The following SLC26A7 variants were observed in gnomAD, a reference collection of about 807,000 sequenced individuals.
SLC26A7 encodes the protein solute carrier family 26 member 7, also known as anion exchange transporter.
SLC26A7 carries 59 observed loss-of-function variants against 82.5 expected under a neutral mutation model. The ratio of observed to expected loss-of-function variants is 0.72; its 90% CI spans 0.58 to 0.89. The LOEUF is 0.89. Ranked by LOEUF, SLC26A7 falls within the 40% of genes least tolerant of loss-of-function variation. The pLI, the probability that SLC26A7 is intolerant of heterozygous loss-of-function variation, is 0.00. For missense variants in SLC26A7, 820 were observed against 793.0 expected (o/e 1.03, Z -0.41); for synonymous variants, 271 against 274.3 (o/e 0.99, Z 0.12).
chr8:91,331,723 ATACATTT>A (rs1307627160), intron 5 of SLC26A7, among the ~76,000 whole-genome samples: 3 of 152,138 alleles, frequency 2.0e-5, no homozygotes, highest in African/African-American at 7.2e-5. Context: ...AAGGTTTTCC[ATACATTT>A]TATCAGATCA....
At chr8:91,348,803 A>G (rs938610004) in intron 9 of SLC26A7, among the ~76,000 whole-genome samples, 2 of 152,172 alleles carry the variant, frequency 1.3e-5, no homozygotes, top group African/African-American at 2.4e-5. Context: ...TAGGTCAGAG[A>G]AAGGCAAGAA....
intron 5 of SLC26A7, among the ~76,000 whole-genome samples, chr8:91,326,691 T>G (rs1812940237): frequency 1.3e-5 from 2 of 152,192 alleles, no homozygotes; most frequent in African/African-American, 4.8e-5. Context: ...TTAGATTTGG[T>G]GCTGGCGTCT....
intron 2 of SLC26A7, among the ~76,000 whole-genome samples, chr8:91,258,261 C>G (rs1317418954): frequency 6.6e-6 from 1 of 152,086 alleles, no homozygotes; most frequent in Non-Finnish European, 1.5e-5. Flanking sequence ...CTCTTCCTTC[C>G]TAGCTCTAGA....
chr8:91,318,457 A>T, intron 5 of SLC26A7, 77 bp downstream of exon 5: 1 of 1,333,614 alleles, frequency 7.5e-7, no homozygotes, highest in South Asian at 1.7e-5. Flanking sequence ...TAATTATAGT[A>T]CTGAGATTTT....
chr8:91,297,076 G>A (rs368772945), intron 4 of SLC26A7, among the ~76,000 whole-genome samples: 5 of 152,120 alleles, frequency 3.3e-5, no homozygotes, highest in African/African-American at 1.2e-4. Context: ...AGATAATATT[G>A]TGTCTGTTTT....
At chr8:91,377,910 A>G (rs900674322) in intron 15 of SLC26A7, among the ~76,000 whole-genome samples, 1 of 152,122 alleles carries the variant, frequency 6.6e-6, no homozygotes, top group African/African-American at 2.4e-5. Flanking sequence ...ATGCCCATTC[A>G]CCAAAAACTT....
At chr8:91,350,664 A>AT (rs1263728790) in intron 9 of SLC26A7, among the ~76,000 whole-genome samples, 6 of 151,940 alleles carry the variant, frequency 3.9e-5, no homozygotes, top group African/African-American at 7.3e-5. Context: ...AATTTCATCC[A>AT]TTTTTTTAAA....
rs113189211 is a variant in SLC26A7, at chr8:91,284,882, C to T, written c.194-4254C>T. Reference sequence around the variant, plus strand: ...ATTTATTAAGCACAAGTGATTTGATCCTGTGCAGAAAGTGAGGTTGAACTC... The same window carrying T: ...ATTTATTAAGCACAAGTGATTTGATTCTGTGCAGAAAGTGAGGTTGAACTC... On this transcript the variant is annotated intron_variant, in intron 2 of 18. Coordinates refer to ENST00000276609, the MANE Select transcript of SLC26A7 (RefSeq NM_052832.4). Among the ~76,000 whole-genome samples, 213 of 152,284 alleles carry T rather than the reference C, an allele frequency of 1.4e-3. 2 individuals carry two copies. Among genetic ancestry groups the T allele is most frequent in the African/African-American group, 5.1e-3 (210 of 41,562 alleles).
At chr8:91,350,553 A>G (rs1480935803) in intron 9 of SLC26A7, among the ~76,000 whole-genome samples, 3 of 152,002 alleles carry the variant, frequency 2.0e-5, no homozygotes, top group Non-Finnish European at 2.9e-5. Context: ...TCCAGCCTCT[A>G]GCATCCTATA....
At chr8:91,346,370 G>A (rs1407516472) in intron 9 of SLC26A7, among the ~76,000 whole-genome samples, 1 of 152,098 alleles carries the variant, frequency 6.6e-6, no homozygotes, top group African/African-American at 2.4e-5. Context: ...CACTATGTAA[G>A]CCAAGCCTTA....
chr8:91,390,205 C>T (rs937765534), intron 16 of SLC26A7, among the ~76,000 whole-genome samples: 7 of 151,636 alleles, frequency 4.6e-5, no homozygotes, highest in African/African-American at 1.7e-4. Flanking sequence ...CAAACTCTGC[C>T]TCCTGGGATC....
At chr8:91,310,046 T>G (rs1812435606) in intron 4 of SLC26A7, among the ~76,000 whole-genome samples, 1 of 151,824 alleles carries the variant, frequency 6.6e-6, no homozygotes, top group African/African-American at 2.4e-5. Context: ...TGATCACCAG[T>G]GTCAGGTGCT....
At position 91,362,129 on chromosome 8, in the gene SLC26A7, A is replaced by G. The variant is rs538889050; in HGVS notation, c.1315-224A>G. ...TGAACTAAGGGTTGGCAGTGTCTGG[A>G]AATAAAAGAAGAAACTTTTTCCCAC... On this transcript the variant is annotated intron_variant, in intron 11 of 18. Transcript: ENST00000276609. Among the ~76,000 whole-genome samples, 4 of 151,820 alleles carry G rather than the reference A, an allele frequency of 2.6e-5. No homozygotes were observed. The South Asian group carries it at 8.3e-4, about 32-fold the overall frequency.
chr8:91,238,224 A>G, intron 2 of SLC26A7, among the ~76,000 whole-genome samples: 1 of 152,068 alleles, frequency 6.6e-6, no homozygotes, highest in East Asian at 1.9e-4. Context: ...TTTCTATTTC[A>G]CTTTCCTCAT....
intron 4 of SLC26A7, among the ~76,000 whole-genome samples, chr8:91,312,978 A>G (rs1169621278): frequency 6.6e-6 from 1 of 152,130 alleles, no homozygotes; most frequent in East Asian, 1.9e-4. Flanking sequence ...TTAGATGCAC[A>G]GATTTTTAAA....
chr8:91,256,518 C>T (rs1016708773), intron 2 of SLC26A7, among the ~76,000 whole-genome samples: 4 of 152,028 alleles, frequency 2.6e-5, no homozygotes, highest in Admixed American at 6.6e-5. Context: ...TTTAGGAAGC[C>T]AAAACTTCCT....
chr8:91,296,028 C>T lies in SLC26A7; in HGVS notation c.477+325C>T, dbSNP rs75654417. Among the ~76,000 whole-genome samples the T allele has an allele frequency of 8.6e-3, 1,315 of 152,222 alleles. 59 individuals are homozygous for T. In the East Asian group the frequency reaches 0.13, roughly 16 times the overall value. Reference sequence around the variant, plus strand: ...CCCTGTGTCCACACAGTGACTAGGTCGTCACTGTAAGGGAATGTTATAGGA... The same window carrying T: ...CCCTGTGTCCACACAGTGACTAGGTTGTCACTGTAAGGGAATGTTATAGGA... On this transcript the variant is annotated intron_variant, in intron 4 of 18. Transcript: ENST00000276609.
At chr8:91,257,007 A>C (rs1810822040) in intron 2 of SLC26A7, among the ~76,000 whole-genome samples, 1 of 151,922 alleles carries the variant, frequency 6.6e-6, no homozygotes, top group Non-Finnish European at 1.5e-5. Context: ...ACCGGGGCTG[A>C]CTCTGAGCCT....
chr8:91,240,116 T>C (rs1181392954), intron 2 of SLC26A7, among the ~76,000 whole-genome samples: 1 of 152,210 alleles, frequency 6.6e-6, no homozygotes, highest in African/African-American at 2.4e-5. Flanking sequence ...GTTTTGGCTT[T>C]GGTGGGATTG....
Sources: allele counts gnomAD v4.1 joint callset (sites outside exome capture counted in the v4.1 genomes callset), GRCh38; gene constraint gnomAD v4.1.1; transcripts MANE v1.5; gene names NCBI Gene and HGNC (gene_info 2026-07-23, HGNC 2026-07-21).